Variants in NOVA2 observed in about 807,000 individuals in gnomAD.
NOVA2 encodes NOVA alternative splicing regulator 2.
NOVA2 carries 9 observed loss-of-function variants against 22.5 expected under a neutral mutation model. The ratio of observed to expected loss-of-function variants is 0.40; its 90% CI spans 0.24 to 0.70. NOVA2 has a LOEUF of 0.70. NOVA2 is among the 30% of genes least tolerant of loss of function. The pLI is 0.38. For missense variants in NOVA2, 383 were observed against 682.8 expected (o/e 0.56, Z 4.89); for synonymous variants, 318 against 335.2 (o/e 0.95, Z 0.56).
At chr19:45,947,362 G>C (rs183577064) in intron 3 of NOVA2, among the ~76,000 whole-genome samples, 53 of 152,266 alleles carry the variant, frequency 3.5e-4, no homozygotes, top group African/African-American at 1.2e-3. Context: ...CTTACCTGGT[G>C]GGGGTGGGGA....
chr19:45,954,885 TG>T (rs1221092484), intron 2 of NOVA2, among the ~76,000 whole-genome samples: 4 of 151,328 alleles, frequency 2.6e-5, no homozygotes, highest in Non-Finnish European at 5.9e-5. Flanking sequence ...TGTGTGTGTG[TG>T]TGTGTGTACT....
chr19:45,945,423 CTTTA>C (rs930331271), intron 3 of NOVA2, among the ~76,000 whole-genome samples: 1 of 152,108 alleles, frequency 6.6e-6, no homozygotes, highest in Non-Finnish European at 1.5e-5. Context: ...GAACTGTACA[CTTTA>C]TTTATCATGT....
At chr19:45,949,481 G>A (rs1285391770) in intron 3 of NOVA2, among the ~76,000 whole-genome samples, 1 of 152,150 alleles carries the variant, frequency 6.6e-6, no homozygotes, top group East Asian at 1.9e-4. Flanking sequence ...AAGGTTTGAG[G>A]ACAAGGGGTT....
Position 45,940,369 on chromosome 19 carries a change from TGGC to T in NOVA2, c.970_972del (p.Ala324del), listed in dbSNP as rs771592016. On this transcript the variant is annotated inframe_deletion, in exon 4 of 4. Transcript: ENST00000263257. Reference sequence around the variant, plus strand: ...TCGCCCGCGTAGGATGCCAGGAGGTTGGCGGCGGCGGCGGCTGCTGGGTTGGCC... The same window carrying T: ...TCGCCCGCGTAGGATGCCAGGAGGTTGGCGGCGGCGGCTGCTGGGTTGGCC... The T allele has an allele frequency of 2.6e-4, 363 of 1,392,246 alleles. No homozygotes were observed. Among genetic ancestry groups the T allele is most frequent in the South Asian group, 8.3e-4 (59 of 71,088 alleles). The allele number at this position is 1,392,246 out of a possible 1,614,324, so 86.2% of individuals were successfully genotyped here.
At chr19:45,954,392 C>T (rs1967972285) in intron 2 of NOVA2, among the ~76,000 whole-genome samples, 1 of 152,214 alleles carries the variant, frequency 6.6e-6, no homozygotes, top group South Asian at 2.1e-4. Context: ...ATCGGTCTGG[C>T]TGGCCGGGTC....
Position 45,936,744 on chromosome 19 carries a change from G to A in NOVA2, c.*3119C>T, listed in dbSNP as rs1967658699. ...AAAGGGAGGAAGACACTTGGAGAAG[G>A]TATGGGAAGCTAGAGGGCAAATGAG... is the stretch of plus-strand genomic sequence containing the variant. On this transcript the variant is annotated 3_prime_UTR_variant, in exon 4 of 4. Transcript: ENST00000263257. 6.6e-6 allele frequency: 1 copy of A among 152,154 alleles called. No homozygotes were observed. The highest frequency in any genetic ancestry group is 2.1e-4 in the South Asian group (1 of 4,822). 9.4% of individuals were successfully genotyped at this position (152,154 alleles called of 1,614,324 possible).
chr19:45,960,563 A>C (rs920353837), intron 2 of NOVA2, among the ~76,000 whole-genome samples: 1 of 151,756 alleles, frequency 6.6e-6, no homozygotes, highest in Non-Finnish European at 1.5e-5. Flanking sequence ...GAGACACATA[A>C]AGAATGACAC....
At chr19:45,953,537 C>T (rs1229356599) in intron 3 of NOVA2, among the ~76,000 whole-genome samples, 1 of 152,146 alleles carries the variant, frequency 6.6e-6, no homozygotes, top group Non-Finnish European at 1.5e-5. Flanking sequence ...GGAATCATGC[C>T]ACATTCTCCC....
chr19:45,972,581 C>T (rs1568675328), intron 1 of NOVA2, among the ~76,000 whole-genome samples: 1 of 152,146 alleles, frequency 6.6e-6, no homozygotes. Context: ...TGGAGCCCAG[C>T]CCCTGTCCCC....
chr19:45,961,527 A>C (rs1267172993), intron 1 of NOVA2, among the ~76,000 whole-genome samples: 1 of 152,002 alleles, frequency 6.6e-6, no homozygotes, highest in Non-Finnish European at 1.5e-5. Context: ...AAAAGGCAGG[A>C]AAAGGGGGTC....
intron 1 of NOVA2, among the ~76,000 whole-genome samples, chr19:45,966,694 A>G (rs1968172331): frequency 1.3e-5 from 2 of 152,194 alleles, no homozygotes; most frequent in Non-Finnish European, 2.9e-5. Flanking sequence ...CCTGACCAAC[A>G]TGGTAAAACC....
chr19:45,959,139 G>A (rs1286024146), intron 2 of NOVA2, among the ~76,000 whole-genome samples: 1 of 152,250 alleles, frequency 6.6e-6, no homozygotes, highest in Non-Finnish European at 1.5e-5. Flanking sequence ...ATGAATGACA[G>A]GGTGTCACGC....
intron 3 of NOVA2, among the ~76,000 whole-genome samples, chr19:45,947,280 G>A (rs1000649228): frequency 2.6e-5 from 4 of 151,958 alleles, no homozygotes; most frequent in Non-Finnish European, 5.9e-5. Context: ...ATAAATAGAC[G>A]GATGAAGACT....
chr19:45,969,507 C>CA (rs1968207143), intron 1 of NOVA2, among the ~76,000 whole-genome samples: 2 of 26,656 alleles, frequency 7.5e-5, no homozygotes, highest in Non-Finnish European at 1.5e-4. Flanking sequence ...GACCCTGTCT[C>CA]AGAAAAAAAA....
intron 2 of NOVA2, among the ~76,000 whole-genome samples, chr19:45,959,030 G>C (rs1055487600): frequency 2.0e-5 from 3 of 152,204 alleles, no homozygotes; most frequent in African/African-American, 7.2e-5. Flanking sequence ...AGCAAGGCTG[G>C]GACATTTCAG....
chr19:45,939,779 T>G lies in NOVA2; in HGVS notation c.*84A>C. 4 of 1,549,080 alleles carry G rather than the reference T, an allele frequency of 2.6e-6. No homozygotes were observed. The highest frequency in any genetic ancestry group is 3.5e-6 in the Non-Finnish European group (4 of 1,139,388). On this transcript the variant is annotated 3_prime_UTR_variant, in exon 4 of 4. Coordinates refer to ENST00000263257, the MANE Select transcript of NOVA2 (RefSeq NM_002516.4). ...CAAGAGGAGCAGGACTACACCAAGCTGAGGTCAGGAGTTGGGGGGGAGGAG... is the reference window on the plus strand; with the variant it reads ...CAAGAGGAGCAGGACTACACCAAGCGGAGGTCAGGAGTTGGGGGGGAGGAG...
In NOVA2 at chr19:45,938,828, C is replaced by T. The variant is rs1967696586; in HGVS notation, c.*1035G>A. The T allele has an allele frequency of 6.6e-6, 1 of 152,238 alleles. No homozygotes were observed. Among genetic ancestry groups the T allele is most frequent in the South Asian group, 2.1e-4 (1 of 4,832 alleles). The allele number at this position is 152,238 out of a possible 1,614,324, so 9.4% of individuals were successfully genotyped here. A position where few individuals can be genotyped will look rare whatever the true frequency, so the allele number is the denominator to read the frequency against. Reference sequence around the variant, plus strand: ...TGGTCACTGTCCAATACAGGAAGTACATGCTTCAGCCTAATGACATCACAG... The same window carrying T: ...TGGTCACTGTCCAATACAGGAAGTATATGCTTCAGCCTAATGACATCACAG... On this transcript the variant is annotated 3_prime_UTR_variant, in exon 4 of 4. Transcript: ENST00000263257.
intron 3 of NOVA2, among the ~76,000 whole-genome samples, chr19:45,952,614 T>C (rs1462253881): frequency 6.6e-6 from 1 of 152,252 alleles, no homozygotes; most frequent in Non-Finnish European, 1.5e-5. Context: ...GAGTCCCTTG[T>C]GGCCACGACC....
At chr19:45,949,371 A>G (rs1967889905) in intron 3 of NOVA2, among the ~76,000 whole-genome samples, 1 of 152,086 alleles carries the variant, frequency 6.6e-6, no homozygotes, top group African/African-American at 2.4e-5. Flanking sequence ...CTGACAAATC[A>G]AGAAGATGGA....
Sources: gnomAD v4.1 joint callset for allele counts (sites outside exome capture counted in the v4.1 genomes callset) on GRCh38, gnomAD v4.1.1 for gene constraint, MANE v1.5 for transcripts, NCBI Gene and HGNC (gene_info 2026-07-23, HGNC 2026-07-21) for gene names.